Variants in CTNNA3 observed in about 807,000 individuals in gnomAD.
CTNNA3 encodes the protein catenin alpha 3.
CTNNA3 carries 76 observed loss-of-function variants against 95.7 expected under a neutral mutation model. That is an observed-to-expected ratio of 0.79 (90% CI 0.66 to 0.96). The LOEUF (loss-of-function observed/expected upper bound fraction) is 0.96. Among genes scored for constraint, CTNNA3 ranks in the 40% least tolerant of loss-of-function variants. The pLI, the probability that CTNNA3 is intolerant of heterozygous loss-of-function variation, is 0.00. For missense variants in CTNNA3, 1,191 were observed against 1,089.8 expected, an observed-to-expected ratio of 1.09 and a Z score of -1.31; for synonymous variants, 431 against 374.4, an observed-to-expected ratio of 1.15 and a Z score of -1.74.
At chr10:67,720,229 C>A (rs867475483) in intron 1 of CTNNA3, among the ~76,000 whole-genome samples, 3 of 147,432 alleles carry the variant, frequency 2.0e-5, no homozygotes, top group Middle Eastern at 6.8e-3. Context: ...TGAAATGGGT[C>A]TCCTGAATGT....
At chr10:66,418,851 A>G (rs998839099) in intron 11 of CTNNA3, among the ~76,000 whole-genome samples, 2 of 152,134 alleles carry the variant, frequency 1.3e-5, no homozygotes, top group African/African-American at 4.8e-5. Context: ...ATTCTCAACA[A>G]ACTAGGCATA....
intron 5 of CTNNA3, among the ~76,000 whole-genome samples, chr10:67,372,568 G>C: frequency 6.6e-6 from 1 of 152,168 alleles, no homozygotes; most frequent in East Asian, 1.9e-4. Context: ...TATTATCCAG[G>C]AGAACTTCCC....
chr10:67,071,491 G>C (rs930380294), intron 7 of CTNNA3, among the ~76,000 whole-genome samples: 26 of 133,452 alleles, frequency 1.9e-4, no homozygotes, highest in African/African-American at 7.4e-4. Flanking sequence ...CTTGTACTTA[G>C]AGCTCTTTAA....
At chr10:67,470,980 T>G (rs1466275617) in intron 5 of CTNNA3, among the ~76,000 whole-genome samples, 1 of 151,944 alleles carries the variant, frequency 6.6e-6, no homozygotes, top group Non-Finnish European at 1.5e-5. Context: ...ATTTATTTAT[T>G]TATTTTTGTA....
intron 5 of CTNNA3, among the ~76,000 whole-genome samples, chr10:67,433,671 G>C (rs1404803791): frequency 2.0e-5 from 3 of 151,970 alleles, no homozygotes; most frequent in Non-Finnish European, 4.4e-5. Context: ...TAATATGTAT[G>C]AAAATATGTA....
intron 11 of CTNNA3, among the ~76,000 whole-genome samples, chr10:66,456,406 A>G (rs1326249613): frequency 6.6e-6 from 1 of 152,180 alleles, no homozygotes; most frequent in Non-Finnish European, 1.5e-5. Context: ...TGGGGAAAAG[A>G]CAGTCTTTGC....
intron 7 of CTNNA3, among the ~76,000 whole-genome samples, chr10:66,964,021 AT>A (rs369835729): frequency 2.7e-5 from 4 of 149,134 alleles, no homozygotes; most frequent in Non-Finnish European, 3.0e-5. Context: ...TAATTTTCGT[AT>A]TTTTTTTTCA....
intron 10 of CTNNA3, among the ~76,000 whole-genome samples, chr10:66,599,630 C>CT (rs974456384): frequency 2.6e-5 from 4 of 150,990 alleles, no homozygotes; most frequent in Non-Finnish European, 5.9e-5. Flanking sequence ...TCTTCTTCTA[C>CT]TTTTTTTTTA....
At chr10:67,221,605 C>T (rs10997578) in intron 5 of CTNNA3, among the ~76,000 whole-genome samples, 23,944 of 151,818 alleles carry the variant, frequency 0.16, 2,436 homozygotes, top group African/African-American at 0.29. Context: ...GACAGAGTCG[C>T]GCTCTGTCGC....
intron 16 of CTNNA3, among the ~76,000 whole-genome samples, chr10:65,968,504 C>G (rs546086706): frequency 5.3e-5 from 8 of 152,302 alleles, no homozygotes; most frequent in African/African-American, 1.9e-4. Context: ...AGGCAGATCT[C>G]CAGGCACTCA....
chr10:65,920,463 G>A lies in CTNNA3; in HGVS notation c.2555C>T (p.Ala852Val). Residue 852 changes from alanine (A) to valine (V), a missense_variant, in exon 18 of 18, where the codon GCT (alanine) becomes GTT (valine). Coordinates refer to ENST00000433211, the MANE Select transcript of CTNNA3 (RefSeq NM_013266.4). ...RHPVVMWRMK[A>V]PAKKPLIKRE... ...TTTAATCAAGGGTTTTTTTGCAGGAGCCTTCATTCTCCACATCACAACTGG... is the reference window on the plus strand; with the variant it reads ...TTTAATCAAGGGTTTTTTTGCAGGAACCTTCATTCTCCACATCACAACTGG... 1.2e-6 allele frequency: 2 copies of A among 1,614,040 alleles called. No homozygotes were observed. The highest frequency in any genetic ancestry group is 1.7e-6 in the Non-Finnish European group (2 of 1,179,988).
intron 3 of CTNNA3, among the ~76,000 whole-genome samples, chr10:67,574,289 G>A (rs1842071490): frequency 6.6e-6 from 1 of 151,984 alleles, no homozygotes; most frequent in African/African-American, 2.4e-5. Flanking sequence ...ATTTATTTAA[G>A]GAATTATCTA....
intron 6 of CTNNA3, 37 bp downstream of exon 6, chr10:67,219,570 G>A: frequency 1.3e-6 from 2 of 1,583,232 alleles, no homozygotes; most frequent in East Asian, 2.3e-5. Flanking sequence ...TACTGTATTA[G>A]GACATCAGAT....
chr10:66,348,366 A>C (rs893498713), intron 12 of CTNNA3, among the ~76,000 whole-genome samples: 1 of 152,176 alleles, frequency 6.6e-6, no homozygotes, highest in Non-Finnish European at 1.5e-5. Context: ...ATCAATTCAC[A>C]TAATCCCACT....
At chr10:66,139,148 A>T (rs1332034983) in intron 13 of CTNNA3, among the ~76,000 whole-genome samples, 4 of 152,170 alleles carry the variant, frequency 2.6e-5, no homozygotes, top group Non-Finnish European at 5.9e-5. Context: ...TTCCTCTTAG[A>T]TTTATGGCTG....
chr10:67,339,229 A>G (rs1235569494), intron 5 of CTNNA3, among the ~76,000 whole-genome samples: 1 of 152,202 alleles, frequency 6.6e-6, no homozygotes, highest in Non-Finnish European at 1.5e-5. Context: ...GTCCTTATTA[A>G]GACTATATTT....
intron 5 of CTNNA3, among the ~76,000 whole-genome samples, chr10:67,362,947 T>C (rs1370181560): frequency 6.6e-6 from 1 of 151,994 alleles, no homozygotes; most frequent in Non-Finnish European, 1.5e-5. Context: ...ATCAATAACA[T>C]TTCTATACAC....
At chr10:66,076,383 A>T (rs923605821) in intron 14 of CTNNA3, among the ~76,000 whole-genome samples, 1 of 151,738 alleles carries the variant, frequency 6.6e-6, no homozygotes, top group Non-Finnish European at 1.5e-5. Context: ...TATCCTAAGC[A>T]TACTAAATTG....
chr10:66,374,942 T>C (rs776288949), intron 12 of CTNNA3, among the ~76,000 whole-genome samples: 38 of 151,974 alleles, frequency 2.5e-4, no homozygotes, highest in Non-Finnish European at 5.0e-4. Flanking sequence ...TGACAGTATA[T>C]CTGAGGAGTT....
Sources: allele counts gnomAD v4.1 joint callset (sites outside exome capture counted in the v4.1 genomes callset), GRCh38; gene constraint gnomAD v4.1.1; transcripts MANE v1.5; gene names NCBI Gene and HGNC (gene_info 2026-07-23, HGNC 2026-07-21).